The following PHACTR2 variants were observed in gnomAD, a reference collection of about 807,000 sequenced individuals.
PHACTR2 encodes the protein phosphatase and actin regulator 2.
PHACTR2 carries 30 observed loss-of-function variants against 76.0 expected under a neutral mutation model. That is an observed-to-expected ratio of 0.39 (90% CI 0.30 to 0.54). PHACTR2 has a LOEUF of 0.54. Ranked by LOEUF, PHACTR2 falls within the 20% of genes least tolerant of loss-of-function variation. The pLI is 0.61. For synonymous variants in PHACTR2, 292 were observed against 292.5 expected, an observed-to-expected ratio of 1.00 and a Z score of 0.02; for missense variants, 696 against 781.1, an observed-to-expected ratio of 0.89 and a Z score of 1.30.
At chr6:143,575,595 CTT>C (rs1775496773) in intron 1 of PHACTR2, among the ~76,000 whole-genome samples, 1 of 152,186 alleles carries the variant, frequency 6.6e-6, no homozygotes, top group Non-Finnish European at 1.5e-5. Flanking sequence ...ACACCAGAGA[CTT>C]GATGTTGGTG....
chr6:143,827,180 A>ATATATATATATATATATGTATAT lies in PHACTR2; in HGVS notation c.*3508_*3509insGTATATTATATATATATATATAT, dbSNP rs1776559362. The ATATATATATATATATATGTATAT allele has an allele frequency of 1.5e-5, 2 of 129,576 alleles. No homozygotes were observed. The highest frequency in any genetic ancestry group is 5.9e-5 in the African/African-American group (2 of 34,110). The allele number at this position is 129,576 out of a possible 1,614,324, so 8.0% of individuals were successfully genotyped here. Reference sequence around the variant, plus strand: ...AATATATATATATATATATATATATATATATATATATATATATATGTATAT... The same window carrying ATATATATATATATATATGTATAT: ...AATATATATATATATATATATATATATATATATATATATATATGTATATTATATATATATATATATATGTATAT... On this transcript the variant is annotated 3_prime_UTR_variant, in exon 13 of 13. Transcript: ENST00000440869.
chr6:143,686,768 A>T (rs1037950075), intron 1 of PHACTR2, among the ~76,000 whole-genome samples: 5 of 152,086 alleles, frequency 3.3e-5, no homozygotes, highest in Non-Finnish European at 5.9e-5. Flanking sequence ...TACAGGTGTG[A>T]GCCACTGCGC....
chr6:143,674,783 C>G (rs193169726), upstream of PHACTR2, among the ~76,000 whole-genome samples: 22 of 152,266 alleles, frequency 1.4e-4, no homozygotes, highest in African/African-American at 5.1e-4. This position sits in a 1 kb window ranked among gnomAD's most constrained non-coding sequence, Gnocchi z 4.9. Context: ...CTAGATTTGG[C>G]TGCCTAGAAA....
At chr6:143,626,233 G>T (rs1347182051) in intron 1 of PHACTR2, among the ~76,000 whole-genome samples, 1 of 151,986 alleles carries the variant, frequency 6.6e-6, no homozygotes, top group East Asian at 1.9e-4. Context: ...GGCCCAAATT[G>T]GTTTAAAATT....
rs919361520 is a variant in PHACTR2 at position 143,617,640 on chromosome 6, C to A, written c.13+9318C>A. 2.0e-5 allele frequency among the ~76,000 whole-genome samples: 3 copies of A among 152,174 alleles called. No homozygotes were observed. The highest frequency in any genetic ancestry group is 1.3e-4 in the Admixed American group (2 of 15,270). ...TCCCCTTTCTCTCCCTCCTTCCTCC[C>A]TCCAGTCTAGCAGGCCAGTCTAGCT... is the stretch of plus-strand genomic sequence containing the variant. On this transcript the variant is annotated intron_variant, in intron 1 of 11. Transcript: ENST00000305766. This position sits in a 1 kb window ranked among gnomAD's most constrained non-coding sequence, Gnocchi z 4.8.
At chr6:143,797,670 A>G (rs1245793414) in intron 11 of PHACTR2, among the ~76,000 whole-genome samples, 1 of 152,136 alleles carries the variant, frequency 6.6e-6, no homozygotes, top group East Asian at 1.9e-4. Flanking sequence ...TAAATAGGGA[A>G]TCTTCCCCAT....
rs1171348779 is a variant in PHACTR2 at position 143,610,081 on chromosome 6, TCA to T, written c.13+1762_13+1763del. Among the ~76,000 whole-genome samples, 1 of 152,192 alleles carries T rather than the reference TCA, an allele frequency of 6.6e-6. No homozygotes were observed. Among genetic ancestry groups the T allele is most frequent in the Non-Finnish European group, 1.5e-5 (1 of 68,026 alleles). On this transcript the variant is annotated intron_variant, in intron 1 of 11. Transcript: ENST00000305766. The surrounding 1 kb of genome is among the most constrained non-coding windows in gnomAD (Gnocchi z 4.9). ...TTTGAATAGAATAACGGGTTTTAAA[TCA>T]CATAATTTGAATGCTTCAGAAATAG... is the stretch of plus-strand genomic sequence containing the variant.
At chr6:143,785,789 C>A (rs1775543761) in intron 10 of PHACTR2, among the ~76,000 whole-genome samples, 1 of 152,236 alleles carries the variant, frequency 6.6e-6, no homozygotes, top group Non-Finnish European at 1.5e-5. Flanking sequence ...CGATCTGAAG[C>A]CACAGCCCAA....
At position 143,825,528 on chromosome 6, in the gene PHACTR2, A is replaced by C. The variant is rs1171523232; in HGVS notation, c.*1839A>C. 1 of 151,944 alleles carries C rather than the reference A, an allele frequency of 6.6e-6. No individual in the cohort carries two copies. The highest frequency in any genetic ancestry group is 2.4e-5 in the African/African-American group (1 of 41,356). The allele number at this position is 151,944 out of a possible 1,614,324, so 9.4% of individuals were successfully genotyped here. On this transcript the variant is annotated 3_prime_UTR_variant, in exon 13 of 13. Coordinates refer to ENST00000440869, the MANE Select transcript of PHACTR2 (RefSeq NM_001100164.2). The surrounding 1 kb of genome is among the most constrained non-coding windows in gnomAD (Gnocchi z 4.1). Reference sequence around the variant, plus strand: ...TAAGACAAATTTTTTGCTTTGAAAAAATTTTTCTGCATGCCCAGGTGTCTG... The same window carrying C: ...TAAGACAAATTTTTTGCTTTGAAAACATTTTTCTGCATGCCCAGGTGTCTG...
Position 143,733,701 on chromosome 6 carries a change from T to A in PHACTR2, c.215-15284T>A, listed in dbSNP as rs187932383. ...TGAATGGATAATGACCTTAAGTAAC[T>A]GTGACTGCTCTGTATGGCAGCATTG... is the stretch of plus-strand genomic sequence containing the variant. On this transcript the variant is annotated intron_variant, in intron 2 of 12. Coordinates refer to ENST00000440869, the MANE Select transcript of PHACTR2 (RefSeq NM_001100164.2). The surrounding 1 kb of genome is among the most constrained non-coding windows in gnomAD (Gnocchi z 4.0). 2.0e-5 allele frequency among the ~76,000 whole-genome samples: 3 copies of A among 152,322 alleles called. No individual in the cohort carries two copies. The highest frequency in any genetic ancestry group is 1.9e-4 in the East Asian group (1 of 5,186).
chr6:143,628,777 A>G (rs1403642475), intron 1 of PHACTR2, among the ~76,000 whole-genome samples: 1 of 151,582 alleles, frequency 6.6e-6, no homozygotes, highest in African/African-American at 2.4e-5. Context: ...GAGGGAGATC[A>G]TTGTTTACCC....
intron 4 of PHACTR2, among the ~76,000 whole-genome samples, chr6:143,756,326 T>A (rs756831167): frequency 3.3e-5 from 5 of 152,106 alleles, no homozygotes; most frequent in African/African-American, 4.8e-5. Context: ...TGCCTAATAC[T>A]AGAGACTTCT....
In PHACTR2 at chr6:143,739,743, G is replaced by A. The variant is rs1778899165; in HGVS notation, c.215-9242G>A. Among the ~76,000 whole-genome samples, 1 of 152,112 alleles carries A rather than the reference G, an allele frequency of 6.6e-6. No homozygotes were observed. Among genetic ancestry groups the A allele is most frequent in the Non-Finnish European group, 1.5e-5 (1 of 68,036 alleles). ...AGGACTTGCTCATTGTTTGAATCTT[G>A]GACCTTTATTCCTTCGGAATTAGAA... On this transcript the variant is annotated intron_variant, in intron 2 of 12. Transcript: ENST00000440869. The surrounding 1 kb of genome is among the most constrained non-coding windows in gnomAD (Gnocchi z 4.3).
In PHACTR2 at chr6:143,602,880, C is replaced by G. The variant is rs987962959; in HGVS notation, c.217+65673C>G. Among the ~76,000 whole-genome samples, 2 of 152,240 alleles carry G rather than the reference C, an allele frequency of 1.3e-5. No individual in the cohort carries two copies. The highest frequency in any genetic ancestry group is 4.1e-4 in the South Asian group (2 of 4,826). ...TAAGTGTGGGCTGGGCACAGTGGCT[C>G]ATGCCTGTAACCCCAGCACTTTGGG... On this transcript the variant is annotated intron_variant, in intron 1 of 11. Coordinates refer to the PHACTR2 transcript ENST00000367584. This position sits in a 1 kb window ranked among gnomAD's most constrained non-coding sequence, Gnocchi z 6.1.
At chr6:143,691,256 A>G (rs571922912) in intron 1 of PHACTR2, among the ~76,000 whole-genome samples, 16 of 151,844 alleles carry the variant, frequency 1.1e-4, no homozygotes, top group African/African-American at 2.9e-4. Context: ...AAGTCAAACC[A>G]TGGTAAGTCA....
At position 143,646,520 on chromosome 6, in the gene PHACTR2, C is replaced by T. The variant is rs1015248805; in HGVS notation, c.13+38198C>T. ...TAATATGATGACTACTTAGACATAA[C>T]CTGATCCTTCAAATATAACTGAAAA... On this transcript the variant is annotated intron_variant, in intron 1 of 11. Coordinates refer to the PHACTR2 transcript ENST00000305766. This position sits in a 1 kb window ranked among gnomAD's most constrained non-coding sequence, Gnocchi z 4.1. 6.6e-6 allele frequency among the ~76,000 whole-genome samples: 1 copy of T among 152,026 alleles called. No individual in the cohort carries two copies. Among genetic ancestry groups the T allele is most frequent in the Admixed American group, 6.6e-5 (1 of 15,258 alleles).
In PHACTR2 at chr6:143,821,796, G is replaced by C. The variant is rs1776424524; in HGVS notation, c.1923-1878G>C. ...GCTTGAGTGCAGGAGTTTGAGAACA[G>C]CCTGAGCAACATAGCAAAACCCCAT... On this transcript the variant is annotated intron_variant, in intron 12 of 12. Transcript: ENST00000440869. The surrounding 1 kb of genome is among the most constrained non-coding windows in gnomAD (Gnocchi z 5.2). 6.6e-6 allele frequency among the ~76,000 whole-genome samples: 1 copy of C among 152,216 alleles called. No individual in the cohort carries two copies. Among genetic ancestry groups the C allele is most frequent in the South Asian group, 2.1e-4 (1 of 4,828 alleles).
At chr6:143,614,563 ACAAT>A (rs1316020417) in intron 1 of PHACTR2, among the ~76,000 whole-genome samples, 1 of 152,204 alleles carries the variant, frequency 6.6e-6, no homozygotes, top group Non-Finnish European at 1.5e-5. Context: ...TAATTTCTAA[ACAAT>A]CAAGCATTCA....
chr6:143,622,580 T>C lies in PHACTR2; in HGVS notation c.13+14258T>C, dbSNP rs769014143. 4.4e-4 allele frequency among the ~76,000 whole-genome samples: 67 copies of C among 152,182 alleles called. 1 individual carries two copies. The highest frequency in any genetic ancestry group is 8.8e-4 in the Non-Finnish European group (60 of 68,032). On this transcript the variant is annotated intron_variant, in intron 1 of 11. Transcript: ENST00000305766. Reference sequence around the variant, plus strand: ...ATGTTCTATAGAGCACAATGATGTATATAGACCATCTCATTACATAGATTT... The same window carrying C: ...ATGTTCTATAGAGCACAATGATGTACATAGACCATCTCATTACATAGATTT...
Sources: gnomAD v4.1 joint callset for allele counts (sites outside exome capture counted in the v4.1 genomes callset) on GRCh38, gnomAD v4.1.1 for gene constraint, Gnocchi (gnomAD v3.1) non-coding constraint, MANE v1.5 for transcripts, NCBI Gene and HGNC (gene_info 2026-07-23, HGNC 2026-07-21) for gene names.